The following CDH4 variants were observed in gnomAD, a reference collection of about 807,000 sequenced individuals.
CDH4 encodes the protein cadherin 4, also known as cadherin-4.
CDH4 carries 33 observed loss-of-function variants against 86.0 expected under a neutral mutation model. The ratio of observed to expected loss-of-function variants is 0.38; its 90% CI spans 0.29 to 0.51. CDH4 has a LOEUF of 0.51. Among genes scored for constraint, CDH4 ranks in the 20% least tolerant of loss-of-function variants. The pLI is 0.86. For missense variants in CDH4, 1,114 were observed against 1,307.4 expected (o/e 0.85, Z 2.28); for synonymous variants, 555 against 549.4 (o/e 1.01, Z -0.14).
At chr20:61,691,353 T>G (rs902624754) in intron 2 of CDH4, among the ~76,000 whole-genome samples, 1 of 149,518 alleles carries the variant, frequency 6.7e-6, no homozygotes, top group Non-Finnish European at 1.5e-5. Context: ...GTGTGTATTT[T>G]TGTGTGTGCA....
intron 2 of CDH4, among the ~76,000 whole-genome samples, chr20:61,489,535 T>C (rs1254209045): frequency 6.6e-6 from 1 of 152,210 alleles, no homozygotes; most frequent in Non-Finnish European, 1.5e-5. Context: ...AAACTGGAAA[T>C]CTAACTTGAC....
At chr20:61,883,081 G>A (rs1160413457) in intron 7 of CDH4, among the ~76,000 whole-genome samples, 3 of 151,762 alleles carry the variant, frequency 2.0e-5, no homozygotes, top group African/African-American at 7.3e-5. Context: ...AATGAACCCG[G>A]CCCCATTCCC....
chr20:61,874,721 C>T (rs1430288458), intron 7 of CDH4, among the ~76,000 whole-genome samples: 1 of 152,178 alleles, frequency 6.6e-6, no homozygotes, highest in Non-Finnish European at 1.5e-5. Context: ...GCCTGCCTTC[C>T]CCATCTCCAG....
intron 2 of CDH4, among the ~76,000 whole-genome samples, chr20:61,337,700 T>G (rs915240359): frequency 2.0e-5 from 3 of 152,086 alleles, no homozygotes; most frequent in African/African-American, 7.2e-5. Context: ...CATCCCTGCT[T>G]GGGAAGCTTG....
intron 2 of CDH4, among the ~76,000 whole-genome samples, chr20:61,274,415 G>A (rs2084212729): frequency 7.6e-6 from 1 of 130,998 alleles, no homozygotes; most frequent in Non-Finnish European, 1.6e-5. Flanking sequence ...GCAGTTTGGG[G>A]GAGTACCATG....
Position 61,806,057 on chromosome 20 carries a change from C to T in CDH4, c.576+32875C>T, listed in dbSNP as rs944552067. 2.6e-5 allele frequency among the ~76,000 whole-genome samples: 4 copies of T among 152,322 alleles called. No individual in the cohort carries two copies. In the East Asian group the frequency reaches 7.7e-4, roughly 29 times the overall value. On this transcript the variant is annotated intron_variant, in intron 4 of 15. Transcript: ENST00000614565. ...TCCTTCCGCTCTGTGGCACCCAGTACTGAAAGCATTGTGGTTCGGGGCACA... is the reference window on the plus strand; with the variant it reads ...TCCTTCCGCTCTGTGGCACCCAGTATTGAAAGCATTGTGGTTCGGGGCACA...
rs904734674 is a variant in CDH4, at chr20:61,540,370, C to T, written c.170-203193C>T. On this transcript the variant is annotated intron_variant, in intron 2 of 15. Transcript: ENST00000614565. ...GAACAGTCTTGAAAACTGTTCATGA[C>T]GGCACCGGAAGCCATGTTTGAAAGG... 1.2e-4 allele frequency among the ~76,000 whole-genome samples: 18 copies of T among 152,222 alleles called. No individual in the cohort carries two copies. The South Asian group carries it at 2.1e-3, about 18-fold the overall frequency.
At chr20:61,611,498 C>T (rs1285303115) in intron 2 of CDH4, among the ~76,000 whole-genome samples, 4 of 151,988 alleles carry the variant, frequency 2.6e-5, no homozygotes, top group South Asian at 4.1e-4. Context: ...TCCCAGCCTG[C>T]GGGATGTGGG....
chr20:61,403,076 G>C (rs1004819647), intron 2 of CDH4, among the ~76,000 whole-genome samples: 2 of 152,154 alleles, frequency 1.3e-5, no homozygotes, highest in Non-Finnish European at 2.9e-5. Flanking sequence ...TTTTGCAGGG[G>C]TCTCTCCTGC....
At chr20:61,383,786 A>C (rs1600924755) in intron 2 of CDH4, among the ~76,000 whole-genome samples, 1 of 63,150 alleles carries the variant, frequency 1.6e-5, no homozygotes, top group East Asian at 6.2e-4. Context: ...CATATATATG[A>C]AGATATATAT....
chr20:61,876,529 G>C (rs1238517959), intron 7 of CDH4, among the ~76,000 whole-genome samples: 2 of 152,232 alleles, frequency 1.3e-5, no homozygotes, highest in African/African-American at 4.8e-5. Flanking sequence ...GCATGCAGGC[G>C]TGCGGAGGGT....
chr20:61,592,867 T>C (rs2086528185), intron 2 of CDH4, among the ~76,000 whole-genome samples: 1 of 152,150 alleles, frequency 6.6e-6, no homozygotes, highest in Non-Finnish European at 1.5e-5. Flanking sequence ...GATGTCCACG[T>C]TGTGATCCCT....
intron 15 of CDH4, 57 bp downstream of exon 15, chr20:61,934,277 T>G: frequency 6.7e-7 from 1 of 1,483,128 alleles, no homozygotes; most frequent in Non-Finnish European, 9.0e-7. Context: ...AAAAATTAAA[T>G]TCTGGTAACA....
intron 2 of CDH4, among the ~76,000 whole-genome samples, chr20:61,258,349 AAAAAAAAAAG>A: frequency 6.7e-6 from 1 of 150,306 alleles, no homozygotes; most frequent in African/African-American, 2.5e-5. Flanking sequence ...AAAAAAAGAA[AAAAAAAAAAG>A]AAAGAGGAGC....
intron 2 of CDH4, among the ~76,000 whole-genome samples, chr20:61,612,556 G>T (rs554008236): frequency 6.6e-6 from 1 of 152,192 alleles, no homozygotes; most frequent in Admixed American, 6.5e-5. Context: ...TGTCCACATG[G>T]TCACTTTTCC....
chr20:61,522,430 C>T (rs1220573916), intron 2 of CDH4, among the ~76,000 whole-genome samples: 1 of 152,234 alleles, frequency 6.6e-6, no homozygotes, highest in Non-Finnish European at 1.5e-5. Context: ...CTGCGCCGTC[C>T]CTGACACCAA....
intron 2 of CDH4, among the ~76,000 whole-genome samples, chr20:61,697,045 C>T (rs537470666): frequency 2.6e-5 from 4 of 152,248 alleles, no homozygotes; most frequent in Admixed American, 1.3e-4. Flanking sequence ...CTAGAGCCTT[C>T]GGAGGGAGCA....
chr20:61,603,670 C>T (rs1338665905), intron 2 of CDH4, among the ~76,000 whole-genome samples: 1 of 152,200 alleles, frequency 6.6e-6, no homozygotes, highest in Admixed American at 6.5e-5. Flanking sequence ...GTGCAAAGTG[C>T]CAATGGAGCA....
rs375284725 is a variant in CDH4 at position 61,274,887 on chromosome 20, G to T, written c.169+19950G>T. Among the ~76,000 whole-genome samples, 19 of 146,018 alleles carry T rather than the reference G, an allele frequency of 1.3e-4. No individual in the cohort carries two copies. In the East Asian group the frequency reaches 4.0e-3, roughly 31 times the overall value. ...GTTGTTTGGGAGAGTACTGTGTGCA[G>T]TTTGGGGCAGTACTGTGTGCAGTTT... On this transcript the variant is annotated intron_variant, in intron 2 of 15. Coordinates refer to ENST00000614565, the MANE Select transcript of CDH4 (RefSeq NM_001794.5).
Sources: gnomAD v4.1 joint callset for allele counts (sites outside exome capture counted in the v4.1 genomes callset) on GRCh38, gnomAD v4.1.1 for gene constraint, MANE v1.5 for transcripts, NCBI Gene and HGNC (gene_info 2026-07-23, HGNC 2026-07-21) for gene names.